Variants in RPGRIP1L observed in about 807,000 individuals in gnomAD.
RPGRIP1L encodes RPGRIP1 like, also known as protein fantom.
In RPGRIP1L, 131 loss-of-function variants were observed where a neutral mutation model predicts 160.4. That is an observed-to-expected ratio of 0.82 (90% confidence interval 0.71 to 0.94). The LOEUF is 0.94. Among genes scored for constraint, RPGRIP1L ranks in the 40% least tolerant of loss-of-function variants. The pLI is 0.00. For missense variants in RPGRIP1L, 1,522 were observed against 1,535.8 expected (o/e 0.99, Z 0.15); for synonymous variants, 510 against 515.8 (o/e 0.99, Z 0.15).
At chr16:53,656,889 A>G (rs1184819998) in intron 13 of RPGRIP1L, among the ~76,000 whole-genome samples, 1 of 152,204 alleles carries the variant, frequency 6.6e-6, no homozygotes, top group Non-Finnish European at 1.5e-5. Flanking sequence ...AGAATGTGCT[A>G]AAGCTAACAA....
At chr16:53,694,143 G>C (rs1970577201) in intron 3 of RPGRIP1L, 3 of 152,064 alleles carry the variant, frequency 2.0e-5, no homozygotes, top group Non-Finnish European at 4.4e-5. Context: ...TATTTAAAAA[G>C]GTAGTTTTGG....
Position 53,672,907 on chromosome 16 carries a change from A to G in RPGRIP1L, c.992T>C (p.Leu331Ser), listed in dbSNP as rs1225415393. 6.2e-6 allele frequency: 10 copies of G among 1,613,130 alleles called. No homozygotes were observed. Among genetic ancestry groups the G allele is most frequent in the Non-Finnish European group, 7.6e-6 (9 of 1,179,466 alleles). The change falls in exon 8 of 27, where the codon TTA becomes TCA. Residue 331 changes from leucine (L) to serine (S), a missense_variant. Leu to Ser is a moderately radical substitution (Grantham distance 145, BLOSUM62 -2). Transcript: ENST00000647211. ...RLKCCSLEKQ[L>S]HSMKFSERRI... ...TCTTTCAGAAAACTTCATAGAATGT[A>G]ATTGTTTCTCAAGACTGCAGCATTT...
Position 53,599,557 on chromosome 16 carries a change from G to A in RPGRIP1L, c.*2519C>T, listed in dbSNP as rs1963294388. The A allele has an allele frequency of 6.6e-6, 1 of 152,180 alleles. No individual in the cohort carries two copies. 9.4% of individuals were successfully genotyped at this position (152,180 alleles called of 1,614,324 possible). A position where few individuals can be genotyped will look rare whatever the true frequency, so the allele number is the denominator to read the frequency against. On this transcript the variant is annotated 3_prime_UTR_variant, in exon 27 of 27. Coordinates refer to ENST00000647211, the MANE Select transcript of RPGRIP1L (RefSeq NM_015272.5). Reference sequence around the variant, plus strand: ...ATTACAGCCCAAAAAAGTGCTGCGTGCACTGGTCTAGTTACACCAAGAAGT... The same window carrying A: ...ATTACAGCCCAAAAAAGTGCTGCGTACACTGGTCTAGTTACACCAAGAAGT...
chr16:53,634,565 G>C (rs572409500), intron 22 of RPGRIP1L, among the ~76,000 whole-genome samples: 14 of 152,226 alleles, frequency 9.2e-5, no homozygotes, highest in African/African-American at 3.4e-4. Flanking sequence ...GGTCATGGGA[G>C]CAAATCCCAC....
At position 53,696,286 on chromosome 16, in the gene RPGRIP1L, G is replaced by A. The variant is rs1195150584; in HGVS notation, c.95C>T (p.Thr32Ile). 2 of 1,613,960 alleles carry A rather than the reference G, an allele frequency of 1.2e-6. No homozygotes were observed. Among genetic ancestry groups the A allele is most frequent in the African/African-American group, 1.3e-5 (1 of 75,010 alleles). Reference protein sequence around the residue: ...FGMGGLQETSTTRTMKSRQAV... With the variant: ...FGMGGLQETSITRTMKSRQAV... ...CTGGCGAGACTTCATTGTCCGTGTTGTTGAAGTTTCTGCAAAAATGCCAAG... is the reference window on the plus strand; with the variant it reads ...CTGGCGAGACTTCATTGTCCGTGTTATTGAAGTTTCTGCAAAAATGCCAAG... Residue 32 changes from threonine (T) to isoleucine (I), a missense_variant, in exon 3 of 27, where the codon ACA (threonine) becomes ATA (isoleucine). Thr to Ile is a moderately conservative substitution (Grantham distance 89, BLOSUM62 -1). Coordinates refer to ENST00000647211, the MANE Select transcript of RPGRIP1L (RefSeq NM_015272.5).
chr16:53,656,453 A>T lies in RPGRIP1L; in HGVS notation c.1699+19T>A, dbSNP rs765597735. On this transcript the variant is annotated intron_variant, in intron 14 of 26. Transcript: ENST00000647211. ...CATTCCTCTAGTTACTGTGGACCAA[A>T]AAATCGTATATGTTGTACCTTCTAG... is the stretch of plus-strand genomic sequence containing the variant. The T allele has an allele frequency of 1.2e-5, 18 of 1,523,606 alleles. No homozygotes were observed. Among genetic ancestry groups the T allele is most frequent in the Non-Finnish European group, 1.6e-5 (18 of 1,097,418 alleles). 94.4% of individuals were successfully genotyped at this position (1,523,606 alleles called of 1,614,324 possible).
chr16:53,622,799 CCACACACACACA>C (rs201959082), intron 22 of RPGRIP1L, among the ~76,000 whole-genome samples: 155 of 135,886 alleles, frequency 1.1e-3, no homozygotes, highest in African/African-American at 3.7e-3. Context: ...AAAACAAAAA[CCACACACACACA>C]CACACACACA....
intron 6 of RPGRIP1L, among the ~76,000 whole-genome samples, chr16:53,677,560 T>C (rs1212396106): frequency 1.3e-5 from 2 of 152,168 alleles, no homozygotes; most frequent in African/African-American, 4.8e-5. Context: ...TTTAAGAAGA[T>C]GTGCAATAAA....
intron 22 of RPGRIP1L, among the ~76,000 whole-genome samples, chr16:53,629,202 T>C (rs564711021): frequency 6.6e-6 from 1 of 152,282 alleles, no homozygotes; most frequent in South Asian, 2.1e-4. Flanking sequence ...ATAAACAAAA[T>C]TCTGACTTAA....
chr16:53,673,158 CA>C, intron 7 of RPGRIP1L, 142 bp from the exon 8 acceptor site: 1 of 803,554 alleles, frequency 1.2e-6, no homozygotes, highest in Non-Finnish European at 2.0e-6. Flanking sequence ...TTTTACATAA[CA>C]AATGATGTAT....
intron 6 of RPGRIP1L, 136 bp from the exon 7 acceptor site, chr16:53,675,258 T>G: frequency 1.5e-6 from 1 of 656,066 alleles, no homozygotes; most frequent in Non-Finnish European, 2.7e-6. Flanking sequence ...GTCAATGAGG[T>G]TTTTGGATTA....
chr16:53,695,444 A>T lies in RPGRIP1L; in HGVS notation c.230+707T>A, dbSNP rs1236807403. On this transcript the variant is annotated intron_variant, in intron 3 of 26. Transcript: ENST00000647211. ...ATTTTCATTCTTCAATGGTTGTCTC[A>T]CCTTTTCTTTGAACCTAGAACATAA... is the stretch of plus-strand genomic sequence containing the variant. 3 of 702,790 alleles carry T rather than the reference A, an allele frequency of 4.3e-6. No individual in the cohort carries two copies. In the African/African-American group the frequency reaches 5.2e-5, roughly 12 times the overall value. The allele number at this position is 702,790 out of a possible 1,614,324, so 43.5% of individuals were successfully genotyped here.
chr16:53,634,502 T>C (rs1308008606), intron 22 of RPGRIP1L, among the ~76,000 whole-genome samples: 2 of 152,176 alleles, frequency 1.3e-5, no homozygotes, highest in African/African-American at 4.8e-5. Context: ...CATGTTAAAA[T>C]TTAATCCGCA....
chr16:53,688,317 AT>A (rs531903526), intron 4 of RPGRIP1L, among the ~76,000 whole-genome samples: 1 of 151,986 alleles, frequency 6.6e-6, no homozygotes, highest in African/African-American at 2.4e-5. Context: ...TAAAAACCTG[AT>A]TTTTTCCCCA....
intron 22 of RPGRIP1L, among the ~76,000 whole-genome samples, chr16:53,636,022 C>T (rs952570826): frequency 2.0e-5 from 3 of 152,130 alleles, no homozygotes; most frequent in African/African-American, 7.2e-5. Context: ...AACATATTAT[C>T]AGTGGATATA....
intron 24 of RPGRIP1L, among the ~76,000 whole-genome samples, chr16:53,616,525 C>T (rs968026225): frequency 1.3e-5 from 2 of 152,152 alleles, no homozygotes; most frequent in African/African-American, 2.4e-5. Flanking sequence ...GCACGGAGTA[C>T]ATTCCTTTCC....
chr16:53,614,914 T>C (rs1303710575), intron 24 of RPGRIP1L, among the ~76,000 whole-genome samples: 1 of 152,164 alleles, frequency 6.6e-6, no homozygotes, highest in South Asian at 2.1e-4. Flanking sequence ...TAAAAACATA[T>C]CCTTTACTTC....
chr16:53,616,999 G>C (rs1008763146), intron 24 of RPGRIP1L, among the ~76,000 whole-genome samples: 1 of 143,012 alleles, frequency 7.0e-6, no homozygotes, highest in African/African-American at 2.6e-5. Context: ...TTAAACCCAG[G>C]AAGTGGAGGT....
intron 20 of RPGRIP1L, 78 bp from the exon 21 acceptor site, chr16:53,637,932 A>T (rs1039425794): frequency 7.1e-7 from 1 of 1,411,792 alleles, no homozygotes; most frequent in Admixed American, 1.7e-5. Context: ...GAACAGTTGA[A>T]TAATAAAGCA....
Sources: gnomAD v4.1 joint callset for allele counts (sites outside exome capture counted in the v4.1 genomes callset) on GRCh38, gnomAD v4.1.1 for gene constraint, MANE v1.5 for transcripts, NCBI Gene and HGNC (gene_info 2026-07-23, HGNC 2026-07-21) for gene names.